Variants in ASTN2 observed in about 807,000 individuals in gnomAD.
ASTN2 encodes astrotactin-2.
ASTN2 carries 54 observed loss-of-function variants against 139.8 expected under a neutral mutation model. The ratio of observed to expected loss-of-function variants is 0.39; its 90% CI spans 0.31 to 0.48. The LOEUF is 0.48. Ranked by LOEUF, ASTN2 falls within the 20% of genes least tolerant of loss-of-function variation. The probability of loss-of-function intolerance (pLI) is 0.95; values close to 1 mark genes in which losing one functional copy is unlikely to be tolerated. For synonymous variants in ASTN2, 756 were observed against 719.5 expected, an observed-to-expected ratio of 1.05 and a Z score of -0.81; for missense variants, 1,565 against 1,725.1, an observed-to-expected ratio of 0.91 and a Z score of 1.64.
intron 1 of ASTN2, among the ~76,000 whole-genome samples, chr9:117,339,005 T>A (rs1828980212): frequency 6.6e-6 from 1 of 152,060 alleles, no homozygotes; most frequent in Non-Finnish European, 1.5e-5. Flanking sequence ...GTAGACTGAC[T>A]GCGGGTGATG....
intron 19 of ASTN2, among the ~76,000 whole-genome samples, chr9:116,509,547 T>C (rs1292759045): frequency 6.6e-6 from 1 of 152,184 alleles, no homozygotes; most frequent in Non-Finnish European, 1.5e-5. Flanking sequence ...CTGGGTCAAA[T>C]GGTATTTCTG....
At chr9:116,886,136 T>C (rs1366923450) in intron 10 of ASTN2, among the ~76,000 whole-genome samples, 2 of 152,188 alleles carry the variant, frequency 1.3e-5, no homozygotes, top group African/African-American at 4.8e-5. Context: ...ATAGACCCAC[T>C]GTCAGACAGA....
At chr9:116,675,105 C>G (rs1859427621) in intron 16 of ASTN2, among the ~76,000 whole-genome samples, 1 of 152,180 alleles carries the variant, frequency 6.6e-6, no homozygotes, top group Non-Finnish European at 1.5e-5. Flanking sequence ...CCCCCCCACG[C>G]TCCAGCAATG....
At chr9:116,589,318 C>A (rs1005367714) in intron 19 of ASTN2, among the ~76,000 whole-genome samples, 2 of 152,186 alleles carry the variant, frequency 1.3e-5, no homozygotes, top group Non-Finnish European at 2.9e-5. Flanking sequence ...ATCATGTAGA[C>A]AACTTCAAAA....
Position 116,637,707 on chromosome 9 carries a change from G to A in ASTN2, c.3072+13821C>T, listed in dbSNP as rs76915007. On this transcript the variant is annotated intron_variant, in intron 17 of 22. Transcript: ENST00000313400. ...TAATCCCAGTACTTTTGGAGGACAA[G>A]GCTAGCAGATTACTTGTGCCCAGCT... 5.6e-4 allele frequency among the ~76,000 whole-genome samples: 85 copies of A among 152,326 alleles called. No homozygotes were observed. The East Asian group carries it at 0.013, about 23-fold the overall frequency.
chr9:116,646,534 G>C (rs1857597565), intron 17 of ASTN2, among the ~76,000 whole-genome samples: 1 of 152,126 alleles, frequency 6.6e-6, no homozygotes, highest in African/African-American at 2.4e-5. Context: ...TTGTTTTGTG[G>C]CCATATTCCC....
At chr9:116,906,251 T>C (rs1834156835) in intron 10 of ASTN2, among the ~76,000 whole-genome samples, 1 of 152,148 alleles carries the variant, frequency 6.6e-6, no homozygotes, top group African/African-American at 2.4e-5. Context: ...TGCAAGATAG[T>C]CACACTTGAG....
chr9:116,904,953 C>A (rs1036271625), intron 10 of ASTN2, among the ~76,000 whole-genome samples: 1 of 152,116 alleles, frequency 6.6e-6, no homozygotes, highest in Admixed American at 6.5e-5. Context: ...ACCCTCCGCA[C>A]CCCCAACTCT....
chr9:117,076,215 G>T (rs947922240), intron 5 of ASTN2, among the ~76,000 whole-genome samples: 8 of 152,162 alleles, frequency 5.3e-5, no homozygotes, highest in Admixed American at 6.5e-5. Flanking sequence ...TGGTAAGCAC[G>T]CTGGAGTGGG....
intron 17 of ASTN2, among the ~76,000 whole-genome samples, chr9:116,640,789 A>G (rs1020131019): frequency 2.6e-5 from 4 of 152,238 alleles, no homozygotes; most frequent in African/African-American, 4.8e-5. Context: ...AGTTTTGAAA[A>G]TATCACTCTG....
chr9:117,317,789 G>C (rs763327524), intron 1 of ASTN2, among the ~76,000 whole-genome samples: 1 of 152,156 alleles, frequency 6.6e-6, no homozygotes, highest in African/African-American at 2.4e-5. Context: ...GGATGCCCCA[G>C]AGAGCCCAGC....
chr9:117,087,894 G>T (rs1828609319), intron 5 of ASTN2, among the ~76,000 whole-genome samples: 2 of 152,018 alleles, frequency 1.3e-5, no homozygotes, highest in South Asian at 4.2e-4. Flanking sequence ...TTATTTTCTG[G>T]GTATATTACT....
intron 19 of ASTN2, among the ~76,000 whole-genome samples, chr9:116,529,271 T>C (rs1411512338): frequency 2.0e-5 from 3 of 152,132 alleles, no homozygotes; most frequent in East Asian, 3.9e-4. Flanking sequence ...GTGTGAGACA[T>C]GGAGTCAAAG....
intron 6 of ASTN2, among the ~76,000 whole-genome samples, chr9:117,013,692 G>A (rs1204559359): frequency 1.3e-5 from 2 of 152,016 alleles, no homozygotes; most frequent in Non-Finnish European, 2.9e-5. Context: ...GCATAGATCA[G>A]GGGTGAGCTG....
intron 7 of ASTN2, among the ~76,000 whole-genome samples, chr9:116,992,528 G>A (rs914794692): frequency 6.6e-6 from 1 of 152,128 alleles, no homozygotes; most frequent in Non-Finnish European, 1.5e-5. Context: ...TTTGCCTGAG[G>A]TGCCTCATTC....
At chr9:116,968,100 G>A (rs995700927) in intron 10 of ASTN2, among the ~76,000 whole-genome samples, 9 of 152,086 alleles carry the variant, frequency 5.9e-5, no homozygotes, top group Non-Finnish European at 1.0e-4. Flanking sequence ...AATAACCACC[G>A]TATGAGAAAA....
At chr9:116,718,347 C>G (rs1047267151) in intron 16 of ASTN2, among the ~76,000 whole-genome samples, 1 of 152,122 alleles carries the variant, frequency 6.6e-6, no homozygotes, top group African/African-American at 2.4e-5. Flanking sequence ...TGGCTGAGGA[C>G]AGATCAGAAC....
chr9:116,698,715 A>G lies in ASTN2; in HGVS notation c.2806+27056T>C, dbSNP rs148027625. 33 of 1,614,072 alleles carry G rather than the reference A, an allele frequency of 2.0e-5. No homozygotes were observed. Among genetic ancestry groups the G allele is most frequent in the African/African-American group, 1.6e-4 (12 of 74,922 alleles). ...CTCTACCTCTGTTACTTTTAGAGAG[A>G]TGGACATGAGCCCGGAGGAAGTGGT... On this transcript the variant is annotated intron_variant, in intron 16 of 22. Coordinates refer to ENST00000313400, the MANE Select transcript of ASTN2 (RefSeq NM_001365068.1). This position sits in a 1 kb window ranked among gnomAD's most constrained non-coding sequence, Gnocchi z 4.4.
chr9:116,998,356 T>G (rs1837081163), intron 7 of ASTN2, among the ~76,000 whole-genome samples: 1 of 152,174 alleles, frequency 6.6e-6, no homozygotes. Context: ...AAAAGACCAG[T>G]GCTGCCCAAG....
Sources: gnomAD v4.1 joint callset for allele counts (sites outside exome capture counted in the v4.1 genomes callset) on GRCh38, gnomAD v4.1.1 for gene constraint, Gnocchi (gnomAD v3.1) non-coding constraint, MANE v1.5 for transcripts, NCBI Gene and HGNC (gene_info 2026-07-23, HGNC 2026-07-21) for gene names.